The following MYO1A variants were observed in gnomAD, a reference collection of about 807,000 sequenced individuals.
MYO1A encodes the protein unconventional myosin-Ia.
MYO1A carries 127 observed loss-of-function variants against 138.5 expected under a neutral mutation model. The ratio of observed to expected loss-of-function variants is 0.92; its 90% confidence interval spans 0.79 to 1.06. The LOEUF (loss-of-function observed/expected upper bound fraction) is 1.06, where lower values mean the gene tolerates loss of function less well. Ranked by LOEUF, MYO1A falls within the 50% of genes least tolerant of loss-of-function variation. The pLI is 0.00. For missense variants in MYO1A, 1,211 were observed against 1,288.8 expected (o/e 0.94, Z 0.92); for synonymous variants, 477 against 497.5 (o/e 0.96, Z 0.55).
chr12:57,033,725 A>G (rs2030398448), intron 22 of MYO1A, among the ~76,000 whole-genome samples: 1 of 152,226 alleles, frequency 6.6e-6, no homozygotes, highest in African/African-American at 2.4e-5. Context: ...CTGAAGATAT[A>G]AAAAATGACT....
Position 57,036,952 on chromosome 12 carries a change from C to T in MYO1A, c.2195G>A (p.Arg732Gln), listed in dbSNP as rs773347648. The T allele has an allele frequency of 5.0e-6, 8 of 1,614,046 alleles. No homozygotes were observed. Among genetic ancestry groups the T allele is most frequent in the South Asian group, 2.2e-5 (2 of 91,076 alleles). ...KSQILISSWF[R>Q]GNMQKKCYGK... Reference sequence around the variant, plus strand: ...TGGGGATGACCGTACCATGTTTCCCCGAAACCAAGAGGAGATGAGGATCTG... The same window carrying T: ...TGGGGATGACCGTACCATGTTTCCCTGAAACCAAGAGGAGATGAGGATCTG... Residue 732 changes from arginine (R) to glutamine (Q), a missense_variant, in exon 20 of 28, where the codon CGG becomes CAG. Arg to Gln is a conservative substitution (Grantham distance 43). Transcript: ENST00000300119.
chr12:57,044,053 T>G, intron 9 of MYO1A, 50 bp from the exon 10 acceptor site: 1 of 1,614,096 alleles, frequency 6.2e-7, no homozygotes. Flanking sequence ...GCCAGTCCAA[T>G]GCGAATAGAG....
At position 57,047,245 on chromosome 12, in the gene MYO1A, G is replaced by A. The variant is rs927869162; in HGVS notation, c.430+58C>T. 4.4e-6 allele frequency: 7 copies of A among 1,579,688 alleles called. No individual in the cohort carries two copies. In the African/African-American group the frequency reaches 8.1e-5, roughly 18 times the overall value. ...GCAGCACTGGGGAAGAGGGTCTAGG[G>A]CTCAGTGATTCTGGGGGTTAGATGG... On this transcript the variant is annotated intron_variant, in intron 5 of 27. Coordinates refer to ENST00000300119, the MANE Select transcript of MYO1A (RefSeq NM_005379.4).
In MYO1A at chr12:57,029,923, C is replaced by T. The variant is rs938561478; in HGVS notation, c.2592-51G>A. On this transcript the variant is annotated intron_variant, in intron 24 of 27. Transcript: ENST00000300119. ...CGCGACAAGGCCCAGAGGCCTCTTC[C>T]CCACCCCCAGAGTTCCCATCCTAGT... 2.5e-6 allele frequency: 4 copies of T among 1,613,700 alleles called. No homozygotes were observed. The African/African-American group carries it at 4.0e-5, about 16-fold the overall frequency.
intron 20 of MYO1A, 32 bp downstream of exon 20, chr12:57,036,910 T>C: frequency 1.2e-6 from 2 of 1,614,132 alleles, no homozygotes; most frequent in South Asian, 2.2e-5. Context: ...CCTATTAGAG[T>C]GAACAGAGTG....
At chr12:57,036,920 G>A (rs1472228226) in intron 20 of MYO1A, 22 bp downstream of exon 20, 1 of 1,614,206 alleles carries the variant, frequency 6.2e-7, no homozygotes, top group Admixed American at 1.7e-5. Context: ...TGAACAGAGT[G>A]GGACTTTGGG....
Position 57,047,628 on chromosome 12 carries a change from A to T in MYO1A, c.324T>A (p.Thr108=), listed in dbSNP as rs1264084688. ...TGTTCCCCCAGCCAGGGGCCTCACC[A>T]GTCTTCCCTGATCCACTCTCGCCTG... The part of the protein sequence containing the change: ...LITGESGSGK[T]EASKLVMSYV... Residue 108 remains threonine (T), a splice_region_variant and synonymous_variant, in exon 4 of 28, where the codon ACT becomes ACA. Coordinates refer to ENST00000300119, the MANE Select transcript of MYO1A (RefSeq NM_005379.4). The T allele has an allele frequency of 6.2e-7, 1 of 1,614,188 alleles. No individual in the cohort carries two copies.
At chr12:57,041,592 C>T in intron 12 of MYO1A, 95 bp from the exon 13 acceptor site, 2 of 1,005,462 alleles carry the variant, frequency 2.0e-6, no homozygotes, top group South Asian at 2.6e-5. Flanking sequence ...AGGGGGCAAA[C>T]AGAACTAGCA....
intron 22 of MYO1A, among the ~76,000 whole-genome samples, chr12:57,035,706 C>A (rs569123668): frequency 2.8e-4 from 42 of 152,332 alleles, no homozygotes; most frequent in African/African-American, 9.9e-4. Flanking sequence ...CCAGAAGTTA[C>A]TCTTCTCTGT....
chr12:57,046,271 G>C (rs1158644593), intron 8 of MYO1A, among the ~76,000 whole-genome samples: 5 of 152,160 alleles, frequency 3.3e-5, no homozygotes, highest in Non-Finnish European at 7.4e-5. Context: ...AGGGAAAGCA[G>C]AACCCAGGCA....
chr12:57,038,496 C>G lies in MYO1A; in HGVS notation c.1676G>C (p.Arg559Pro). 6.2e-7 allele frequency: 1 copy of G among 1,614,164 alleles called. No individual in the cohort carries two copies. Among genetic ancestry groups the G allele is most frequent in the East Asian group, 2.2e-5 (1 of 44,886 alleles). Reference sequence around the variant, plus strand: ...GAACTGGGCCCCAGCAGTCGGGGGGCGTTTGAGAGATGCCTGCTTAGGATT... The same window carrying G: ...GAACTGGGCCCCAGCAGTCGGGGGGGGTTTGAGAGATGCCTGCTTAGGATT... ...EGNPKQASLK[R>P]PPTAGAQFKS... Residue 559 changes from arginine (R) to proline (P), a missense_variant, in exon 17 of 28, where the codon CGC becomes CCC. Transcript: ENST00000300119.
At position 57,029,143 on chromosome 12, in the gene MYO1A, G is replaced by C; in HGVS notation, c.2994C>G (p.Thr998=). 6.2e-7 allele frequency: 1 copy of C among 1,613,992 alleles called. No individual in the cohort carries two copies. Among genetic ancestry groups the C allele is most frequent in the Admixed American group, 1.7e-5 (1 of 59,994 alleles). Residue 998 remains threonine, a synonymous_variant, in exon 27 of 28, where the codon ACC becomes ACG. Coordinates refer to ENST00000300119, the MANE Select transcript of MYO1A (RefSeq NM_005379.4). ...LDATQRQLTV[T]VTEKFSVRFK... Reference sequence around the variant, plus strand: ...GTTCATGGCCTCACTTCTCAGTCACGGTGACTGTAAGCTGCCTCTGCGTGG... The same window carrying C: ...GTTCATGGCCTCACTTCTCAGTCACCGTGACTGTAAGCTGCCTCTGCGTGG...
At position 57,038,556 on chromosome 12, in the gene MYO1A, T is replaced by G; in HGVS notation, c.1616A>C (p.Gln539Pro). 1 of 1,614,204 alleles carries G rather than the reference T, an allele frequency of 6.2e-7. No homozygotes were observed. The highest frequency in any genetic ancestry group is 1.1e-5 in the South Asian group (1 of 91,070). ...RDLLQAMWKAQHPLLRSLFPE... is the reference protein window; with the variant it reads ...RDLLQAMWKAPHPLLRSLFPE... ...AAACAAGGACCGAAGGAGGGGGTGCTGGGCCTTCCACATGGCCTGCAACAG... is the reference window on the plus strand; with the variant it reads ...AAACAAGGACCGAAGGAGGGGGTGCGGGGCCTTCCACATGGCCTGCAACAG... Residue 539 changes from glutamine (Q) to proline (P), a missense_variant, in exon 17 of 28, where the codon CAG becomes CCG. Coordinates refer to ENST00000300119, the MANE Select transcript of MYO1A (RefSeq NM_005379.4).
chr12:57,034,280 C>G (rs1195478971), intron 22 of MYO1A, among the ~76,000 whole-genome samples: 2 of 152,172 alleles, frequency 1.3e-5, no homozygotes, highest in Non-Finnish European at 2.9e-5. Context: ...GGCTTTTTAA[C>G]TACAAAATGG....
chr12:57,048,222 GT>G lies in MYO1A; in HGVS notation c.101del (p.Asn34ThrfsTer12). 6.2e-7 allele frequency: 1 copy of G among 1,613,982 alleles called. No individual in the cohort carries two copies. The highest frequency in any genetic ancestry group is 1.1e-5 in the South Asian group (1 of 91,074). The part of the protein sequence containing the change: ...LLKNLQLRYE[N>X]KEIYTYIGNV... Reference sequence around the variant, plus strand: ...ATATGACACTCACATAAATCTCCTTGTTTTCATAGCGAAGCTGAAGATTCTT... The same window carrying G: ...ATATGACACTCACATAAATCTCCTTGTTTCATAGCGAAGCTGAAGATTCTT... On this transcript the variant is annotated frameshift_variant, in exon 2 of 28. Transcript: ENST00000300119. LOFTEE classifies it high-confidence loss of function.
At position 57,030,936 on chromosome 12, in the gene MYO1A, A is replaced by T. The variant is rs973364172; in HGVS notation, c.2484+104T>A. 14 of 1,446,404 alleles carry T rather than the reference A, an allele frequency of 9.7e-6. 1 individual carries two copies. In the South Asian group the frequency reaches 1.8e-4, roughly 19 times the overall value. The allele number at this position is 1,446,404 out of a possible 1,614,324, so 89.6% of individuals were successfully genotyped here. ...TGTATGTTATGTATATTTTACCACA[A>T]TTTTTTTAATGGGAAAAAAATAGAA... On this transcript the variant is annotated intron_variant, in intron 23 of 27. Transcript: ENST00000300119.
chr12:57,031,159 G>A lies in MYO1A; in HGVS notation c.2365C>T (p.Leu789=). The change falls in exon 23 of 28, where the codon CTG becomes TTG. Residue 789 remains leucine (L), a synonymous_variant. Coordinates refer to ENST00000300119, the MANE Select transcript of MYO1A (RefSeq NM_005379.4). ...IYKSMVQKFL[L]GLKNNLPSTN... is the part of the protein sequence containing the mutation. The stretch of plus-strand genomic sequence containing the variant: ...GATGGCAAATTGTTCTTCAGCCCCA[G>A]TAGGAATTTCTGTACCTAGTTTGGG... The A allele has an allele frequency of 6.2e-7, 1 of 1,614,188 alleles. No individual in the cohort carries two copies. The highest frequency in any genetic ancestry group is 8.5e-7 in the Non-Finnish European group (1 of 1,180,034).
chr12:57,030,964 G>C, intron 23 of MYO1A, 76 bp downstream of exon 23: 1 of 1,563,854 alleles, frequency 6.4e-7, no homozygotes, highest in Non-Finnish European at 8.7e-7. Flanking sequence ...AAATAGAAGA[G>C]GGAGGCAAAA....
rs369417328 is a variant in MYO1A, at chr12:57,030,210, C to T, written c.2591G>A (p.Ser864Asn). The T allele has an allele frequency of 3.7e-6, 6 of 1,613,568 alleles. No homozygotes were observed. In the African/African-American group the frequency reaches 6.7e-5, roughly 18 times the overall value. The change falls in exon 24 of 28, where the codon AGT becomes AAT. Residue 864 changes from serine to asparagine, a missense_variant and splice_region_variant. By Grantham distance (46) the Ser-to-Asn change is conservative. Transcript: ENST00000300119. ...TGTGCAGGGTCTGGGAGGCCCTCAC[C>T]TCTGGGGATATGAAGCCTTCTTGCC... ...FKGKKASYPQSVPIPFCGDYI... is the reference protein window; with the variant it reads ...FKGKKASYPQNVPIPFCGDYI...
Sources: gnomAD v4.1 joint callset for allele counts (sites outside exome capture counted in the v4.1 genomes callset) on GRCh38, gnomAD v4.1.1 for gene constraint, MANE v1.5 for transcripts, NCBI Gene and HGNC (gene_info 2026-07-23, HGNC 2026-07-21) for gene names.